The following SORCS2 variants were observed in gnomAD, a reference collection of about 807,000 sequenced individuals.
SORCS2 encodes the protein VPS10 domain-containing receptor SorCS2.
SORCS2 carries 100 observed loss-of-function variants against 141.6 expected under a neutral mutation model. The observed-to-expected ratio is 0.71, with a 90% CI of 0.60 to 0.83. The LOEUF is 0.83. SORCS2 is among the 40% of genes least tolerant of loss of function. The probability of loss-of-function intolerance (pLI) is 0.00; values close to 1 mark genes in which losing one functional copy is unlikely to be tolerated. For missense variants in SORCS2, 1,646 were observed against 1,560.2 expected, an observed-to-expected ratio of 1.05 and a Z score of -0.93; for synonymous variants, 789 against 676.9, an observed-to-expected ratio of 1.17 and a Z score of -2.57.
chr4:7,657,785 G>GGTGAGTGAATGAGTGA (rs1025567412), intron 5 of SORCS2, among the ~76,000 whole-genome samples: 1 of 145,704 alleles, frequency 6.9e-6, no homozygotes, highest in African/African-American at 2.5e-5. Flanking sequence ...TCTGTGACTG[G>GGTGAGTGAATGAGTGA]GTGAGTGAAT....
intron 2 of SORCS2, among the ~76,000 whole-genome samples, chr4:7,517,543 CAGTTT>C (rs1733066868): frequency 6.6e-6 from 1 of 152,184 alleles, no homozygotes; most frequent in African/African-American, 2.4e-5. Flanking sequence ...CTCGAAAAAT[CAGTTT>C]AGAGTGTCAG....
intron 25 of SORCS2, 114 bp from the exon 26 acceptor site, chr4:7,736,955 G>A: frequency 7.3e-7 from 1 of 1,362,178 alleles, no homozygotes; most frequent in Non-Finnish European, 9.9e-7. Context: ...CCTCTGGAGT[G>A]CTGTGGGCAC....
chr4:7,697,762 G>T (rs979253708), intron 12 of SORCS2, among the ~76,000 whole-genome samples: 1 of 152,028 alleles, frequency 6.6e-6, no homozygotes, highest in African/African-American at 2.4e-5. Context: ...AGAGAATATG[G>T]GGGGAGGAGC....
At chr4:7,541,687 A>G (rs780918671) in intron 3 of SORCS2, among the ~76,000 whole-genome samples, 13 of 152,160 alleles carry the variant, frequency 8.5e-5, no homozygotes, top group Non-Finnish European at 1.6e-4. Flanking sequence ...ACCACCTTTT[A>G]AGCATCATGT....
At chr4:7,527,694 C>A (rs143266904) in intron 2 of SORCS2, among the ~76,000 whole-genome samples, 5 of 143,812 alleles carry the variant, frequency 3.5e-5, no homozygotes, top group African/African-American at 6.0e-5. Flanking sequence ...CAGGCCCCCC[C>A]ACCAGGTGAA....
intron 4 of SORCS2, among the ~76,000 whole-genome samples, chr4:7,649,291 G>A (rs1044225040): frequency 3.3e-5 from 5 of 151,434 alleles, no homozygotes; most frequent in Non-Finnish European, 5.9e-5. Context: ...TGAGCCGAGC[G>A]TGCCTGGGGT....
At position 7,715,348 on chromosome 4, in the gene SORCS2, G is replaced by A. The variant is rs543521584; in HGVS notation, c.2252+37G>A. The A allele has an allele frequency of 4.5e-5, 72 of 1,608,856 alleles. No homozygotes were observed. The Admixed American group carries it at 7.8e-4, about 18-fold the overall frequency. The stretch of plus-strand genomic sequence containing the variant: ...TGCGGGCCTCTCCCTGCCTAAATCC[G>A]GGGGCAGAGCTGTGGTGCAGCCCCG... On this transcript the variant is annotated intron_variant, in intron 17 of 26. Transcript: ENST00000507866.
At chr4:7,433,790 G>C (rs772124856) in intron 2 of SORCS2, 1 of 1,613,430 alleles carries the variant, frequency 6.2e-7, no homozygotes, top group Non-Finnish European at 8.5e-7. Context: ...CCACACAGAC[G>C]GATGAACTTG....
rs1234257727 is a variant in SORCS2, at chr4:7,286,116, T to TC, written c.480+92995dup. On this transcript the variant is annotated intron_variant, in intron 1 of 26. Transcript: ENST00000507866. This position sits in a 1 kb window ranked among gnomAD's most constrained non-coding sequence, Gnocchi z 4.1. ...GGTGTAACTGTCAGCATCCTTGCTGTCCCCCTCAGTCCCCTGATGAGCTGG... is the reference window on the plus strand; with the variant it reads ...GGTGTAACTGTCAGCATCCTTGCTGTCCCCCCTCAGTCCCCTGATGAGCTGG... 1.3e-5 allele frequency among the ~76,000 whole-genome samples: 2 copies of TC among 152,080 alleles called. No homozygotes were observed. The highest frequency in any genetic ancestry group is 2.4e-5 in the African/African-American group (1 of 41,414).
intron 2 of SORCS2, among the ~76,000 whole-genome samples, chr4:7,447,964 GC>G (rs1400073504): frequency 6.6e-6 from 1 of 151,994 alleles, no homozygotes; most frequent in African/African-American, 2.4e-5. Flanking sequence ...TCCCATCCAC[GC>G]CTGCTCGGTT....
chr4:7,678,472 T>G (rs180925770), intron 9 of SORCS2, among the ~76,000 whole-genome samples: 1 of 144,670 alleles, frequency 6.9e-6, no homozygotes, highest in East Asian at 2.1e-4. Context: ...TGAACTGGTA[T>G]GTATTTGCTG....
intron 10 of SORCS2, among the ~76,000 whole-genome samples, chr4:7,686,457 G>C (rs1723876704): frequency 6.6e-6 from 1 of 152,196 alleles, no homozygotes; most frequent in Admixed American, 6.5e-5. Flanking sequence ...AGAGAAGGGA[G>C]AGTCCTGGAG....
chr4:7,516,068 C>T (rs1414012725), intron 2 of SORCS2, among the ~76,000 whole-genome samples: 1 of 152,188 alleles, frequency 6.6e-6, no homozygotes, highest in Non-Finnish European at 1.5e-5. Context: ...CACTGTGGTG[C>T]TCATTCATTT....
intron 8 of SORCS2, among the ~76,000 whole-genome samples, chr4:7,673,779 T>TA (rs1200560995): frequency 6.6e-6 from 1 of 152,176 alleles, no homozygotes; most frequent in African/African-American, 2.4e-5. Context: ...GCAATCGCTG[T>TA]AAATACGGCA....
chr4:7,300,967 C>T (rs940627088), intron 1 of SORCS2, among the ~76,000 whole-genome samples: 4 of 152,190 alleles, frequency 2.6e-5, no homozygotes, highest in Admixed American at 6.5e-5. Context: ...ACACCCTTCT[C>T]GTGCCTTCCT....
At chr4:7,216,278 G>A (rs1425964717) in intron 1 of SORCS2, among the ~76,000 whole-genome samples, 1 of 152,186 alleles carries the variant, frequency 6.6e-6, no homozygotes, top group African/African-American at 2.4e-5. Context: ...GGCTTGCCTT[G>A]TATGTGGGAA....
At chr4:7,518,395 T>A (rs1224249307) in intron 2 of SORCS2, among the ~76,000 whole-genome samples, 1 of 152,160 alleles carries the variant, frequency 6.6e-6, no homozygotes, top group African/African-American at 2.4e-5. Context: ...CCCGTCCCAC[T>A]TCACTCCTGC....
chr4:7,373,995 A>G (rs113650628), intron 1 of SORCS2, among the ~76,000 whole-genome samples: 1,873 of 152,282 alleles, frequency 0.012, 19 homozygotes, highest in African/African-American at 0.022. Context: ...CAAAGGCACA[A>G]AGATTTCTTC....
At chr4:7,605,539 C>A (rs551337430) in intron 3 of SORCS2, among the ~76,000 whole-genome samples, 1 of 152,300 alleles carries the variant, frequency 6.6e-6, no homozygotes, top group African/African-American at 2.4e-5. Context: ...ATCCTGTTTT[C>A]TTGCAAGCTT....
Sources: gnomAD v4.1 joint callset for allele counts (sites outside exome capture counted in the v4.1 genomes callset) on GRCh38, gnomAD v4.1.1 for gene constraint, Gnocchi (gnomAD v3.1) non-coding constraint, MANE v1.5 for transcripts, NCBI Gene and HGNC (gene_info 2026-07-23, HGNC 2026-07-21) for gene names.